TSPAN3: variants seen among roughly 807,000 people sequenced by gnomAD.
TSPAN3 encodes tetraspanin-3.
TSPAN3 carries 9 observed loss-of-function variants against 31.1 expected under a neutral mutation model. That is an observed-to-expected ratio of 0.29 (90% CI 0.17 to 0.50). TSPAN3 has a LOEUF of 0.50. Among genes scored for constraint, TSPAN3 ranks in the 20% least tolerant of loss-of-function variants. The probability of loss-of-function intolerance (pLI) is 0.98; values close to 1 mark genes in which losing one functional copy is unlikely to be tolerated. For missense variants in TSPAN3, 252 were observed against 313.5 expected (o/e 0.80, Z 1.48); for synonymous variants, 129 against 114.3 (o/e 1.13, Z -0.82).
At chr15:77,065,882 TC>T (rs747381688) in intron 1 of TSPAN3, among the ~76,000 whole-genome samples, 1 of 152,126 alleles carries the variant, frequency 6.6e-6, no homozygotes, top group African/African-American at 2.4e-5. Context: ...TTGCGGTACT[TC>T]CCCCACTCTA....
At chr15:77,047,294 AC>A (rs1420603566) in intron 6 of TSPAN3, among the ~76,000 whole-genome samples, 3 of 152,230 alleles carry the variant, frequency 2.0e-5, no homozygotes, top group African/African-American at 7.2e-5. Context: ...AAATATAGTT[AC>A]TGCAACTGAG....
intron 2 of TSPAN3, 25 bp from the exon 3 acceptor site, chr15:77,055,888 T>C: frequency 6.3e-7 from 1 of 1,580,874 alleles, no homozygotes; most frequent in Non-Finnish European, 8.6e-7. Context: ...GGTTTAAAAT[T>C]ATATACAAAT....
At chr15:77,052,725 G>T in intron 5 of TSPAN3, 52 bp downstream of exon 5, 10 of 1,586,724 alleles carry the variant, frequency 6.3e-6, no homozygotes, top group Non-Finnish European at 6.9e-6. Flanking sequence ...GATAAGACAT[G>T]GTGAAAAACA....
intron 1 of TSPAN3, among the ~76,000 whole-genome samples, chr15:77,065,185 C>T (rs1032418951): frequency 6.6e-6 from 1 of 152,200 alleles, no homozygotes; most frequent in Non-Finnish European, 1.5e-5. Flanking sequence ...ACGACCCAAT[C>T]ACTTTATCAC....
At chr15:77,059,403 T>G (rs1393065693) in intron 1 of TSPAN3, among the ~76,000 whole-genome samples, 1 of 152,202 alleles carries the variant, frequency 6.6e-6, no homozygotes, top group African/African-American at 2.4e-5. Context: ...AATTTTAATT[T>G]GGGTGCATTT....
Position 77,059,467 on chromosome 15 carries a change from GACT to G in TSPAN3, c.64-3215_64-3213del, listed in dbSNP as rs578117786. On this transcript the variant is annotated intron_variant, in intron 1 of 6. Transcript: ENST00000267970. Reference sequence around the variant, plus strand: ...CTCTTCCCAAATACCCCTTTTTATTGACTACTTGTGTGATATATATTCACACAC... The same window carrying G: ...CTCTTCCCAAATACCCCTTTTTATTGACTTGTGTGATATATATTCACACAC... Among the ~76,000 whole-genome samples, 27 of 152,134 alleles carry G rather than the reference GACT, an allele frequency of 1.8e-4. No homozygotes were observed. The South Asian group carries it at 3.5e-3, about 20-fold the overall frequency.
intron 4 of TSPAN3, 83 bp downstream of exon 4, chr15:77,054,095 A>G: frequency 1.0e-6 from 1 of 982,440 alleles, no homozygotes; most frequent in Non-Finnish European, 1.6e-6. Context: ...AACATGGCTA[A>G]TTTACACAGA....
intron 1 of TSPAN3, among the ~76,000 whole-genome samples, chr15:77,065,577 C>A (rs2076827469): frequency 6.6e-6 from 1 of 152,154 alleles, no homozygotes; most frequent in African/African-American, 2.4e-5. Flanking sequence ...CAAGTGCCCA[C>A]CACCACATCT....
chr15:77,058,856 C>A (rs1029073469), intron 1 of TSPAN3, among the ~76,000 whole-genome samples: 1 of 152,228 alleles, frequency 6.6e-6, no homozygotes, highest in Non-Finnish European at 1.5e-5. Context: ...TATTTGGCAA[C>A]TGAATCCAGC....
At chr15:77,055,531 C>A (rs758374224) in intron 3 of TSPAN3, 2 of 321,990 alleles carry the variant, frequency 6.2e-6, no homozygotes, top group East Asian at 1.1e-4. Context: ...TCTGAACAAA[C>A]TTCTCAGCTA....
intron 1 of TSPAN3, among the ~76,000 whole-genome samples, chr15:77,062,082 T>C (rs1398047251): frequency 6.6e-6 from 1 of 152,214 alleles, no homozygotes; most frequent in African/African-American, 2.4e-5. Context: ...TAGGCAGGAA[T>C]CCATCTTATG....
intron 1 of TSPAN3, among the ~76,000 whole-genome samples, chr15:77,067,483 C>G (rs547517750): frequency 1.3e-5 from 2 of 152,104 alleles, no homozygotes; most frequent in South Asian, 4.1e-4. Context: ...AAACTTTGAC[C>G]CTTGTTAACA....
chr15:77,044,965 G>A lies in TSPAN3; in HGVS notation c.*1870C>T, dbSNP rs1039208500. On this transcript the variant is annotated 3_prime_UTR_variant, in exon 7 of 7. Transcript: ENST00000267970. Reference sequence around the variant, plus strand: ...AGTAGTCACATGATAAATCCCCCGGGGCCTCTGAAATCACATTCTGGTAAC... The same window carrying A: ...AGTAGTCACATGATAAATCCCCCGGAGCCTCTGAAATCACATTCTGGTAAC... The A allele has an allele frequency of 6.6e-6, 1 of 152,092 alleles. No homozygotes were observed. The highest frequency in any genetic ancestry group is 2.4e-5 in the African/African-American group (1 of 41,394). 9.4% of individuals were successfully genotyped at this position (152,092 alleles called of 1,614,324 possible).
Position 77,070,978 on chromosome 15 carries a change from C to G in TSPAN3, c.-24G>C. On this transcript the variant is annotated 5_prime_UTR_variant, in exon 1 of 7. Coordinates refer to ENST00000267970, the MANE Select transcript of TSPAN3 (RefSeq NM_005724.6). ...ATGGCGCCGGTGGCCCGCGAAGGCCCGGCCCGGAGAGCGGGGCTGCGCTCA... is the reference window on the plus strand; with the variant it reads ...ATGGCGCCGGTGGCCCGCGAAGGCCGGGCCCGGAGAGCGGGGCTGCGCTCA... 1 of 1,416,972 alleles carries G rather than the reference C, an allele frequency of 7.1e-7. No individual in the cohort carries two copies. The highest frequency in any genetic ancestry group is 9.3e-7 in the Non-Finnish European group (1 of 1,077,484). The allele number at this position is 1,416,972 out of a possible 1,614,324, so 87.8% of individuals were successfully genotyped here.
chr15:77,054,521 T>C (rs952142291), intron 3 of TSPAN3: 16 of 267,672 alleles, frequency 6.0e-5, no homozygotes, highest in Non-Finnish European at 9.3e-5. Context: ...AAAGAGAAGA[T>C]TGTGTGCAAA....
At position 77,066,188 on chromosome 15, in the gene TSPAN3, T is replaced by C. The variant is rs148986936; in HGVS notation, c.63+4704A>G. 1.0e-3 allele frequency among the ~76,000 whole-genome samples: 159 copies of C among 152,338 alleles called. No homozygotes were observed. In the East Asian group the frequency reaches 0.019, roughly 18 times the overall value. On this transcript the variant is annotated intron_variant, in intron 1 of 6. Transcript: ENST00000267970. ...TAAACTTGTTTTAGACGAGCCCTCTTTGGTCAGATTAAATGACTTACCAAA... is the reference window on the plus strand; with the variant it reads ...TAAACTTGTTTTAGACGAGCCCTCTCTGGTCAGATTAAATGACTTACCAAA...
chr15:77,068,558 T>A (rs983853172), intron 1 of TSPAN3, among the ~76,000 whole-genome samples: 1 of 152,198 alleles, frequency 6.6e-6, no homozygotes, highest in Non-Finnish European at 1.5e-5. Context: ...AATCAAATAG[T>A]TATGGCCATA....
At chr15:77,070,233 T>A (rs933546559) in intron 1 of TSPAN3, among the ~76,000 whole-genome samples, 2 of 152,198 alleles carry the variant, frequency 1.3e-5, no homozygotes, top group African/African-American at 2.4e-5. Flanking sequence ...TCTTGTGACA[T>A]CTCCATCATA....
chr15:77,071,036 C>G lies in TSPAN3; in HGVS notation c.-82G>C. 9.6e-7 allele frequency: 1 copy of G among 1,043,834 alleles called. No individual in the cohort carries two copies. The highest frequency in any genetic ancestry group is 1.3e-6 in the Non-Finnish European group (1 of 791,848). 64.7% of individuals were successfully genotyped at this position (1,043,834 alleles called of 1,614,324 possible). A position where few individuals can be genotyped will look rare whatever the true frequency, so the allele number is the denominator to read the frequency against. On this transcript the variant is annotated 5_prime_UTR_variant, in exon 1 of 7. Transcript: ENST00000267970. ...AGCGGCAATGGCGGCGGCGCCTCCT[C>G]GCTAGGAACTGCACGGCCTGCGCGG...
Sources: gnomAD v4.1 joint callset for allele counts (sites outside exome capture counted in the v4.1 genomes callset) on GRCh38, gnomAD v4.1.1 for gene constraint, MANE v1.5 for transcripts, NCBI Gene and HGNC (gene_info 2026-07-23, HGNC 2026-07-21) for gene names.